The following ZNF862 variants were observed in gnomAD, a reference collection of about 807,000 sequenced individuals.
ZNF862 encodes zinc finger protein 862.
A neutral mutation model predicts 91.1 loss-of-function variants in ZNF862; 64 were observed. That is an observed-to-expected ratio of 0.70 (90% CI 0.57 to 0.87). ZNF862 has a LOEUF of 0.87. Ranked by LOEUF, ZNF862 falls within the 40% of genes least tolerant of loss-of-function variation. ZNF862 has a pLI of 0.00. For missense variants in ZNF862, 1,459 were observed against 1,528.0 expected (o/e 0.95, Z 0.75); for synonymous variants, 631 against 618.1 (o/e 1.02, Z -0.31).
Position 149,862,091 on chromosome 7 carries a change from G to C in ZNF862, c.2931G>C (p.Glu977Asp). ...TTCTCAACCTGGCCAGGTATTTCGAGTGCTCCCTCCCAACAGGATACAGTG... is the reference window on the plus strand; with the variant it reads ...TTCTCAACCTGGCCAGGTATTTCGACTGCTCCCTCCCAACAGGATACAGTG... ...DDILNLARYFECSLPTGYSEE... is the reference protein window; with the variant it reads ...DDILNLARYFDCSLPTGYSEE... The change falls in exon 7 of 8, where the codon GAG becomes GAC. Residue 977 changes from glutamate to aspartate, a missense_variant. Glu to Asp is a conservative substitution (Grantham distance 45). Transcript: ENST00000223210. 6.2e-7 allele frequency: 1 copy of C among 1,613,676 alleles called. No homozygotes were observed. Among genetic ancestry groups the C allele is most frequent in the Non-Finnish European group, 8.5e-7 (1 of 1,179,906 alleles).
At chr7:149,840,905 G>T (rs1801681683) in intron 1 of ZNF862, 1 of 982,220 alleles carries the variant, frequency 1.0e-6, no homozygotes, top group African/African-American at 1.7e-5. Context: ...CTGTTGTTAA[G>T]CAACACATGA....
chr7:149,853,419 C>G (rs187893383), intron 5 of ZNF862, among the ~76,000 whole-genome samples: 2 of 152,238 alleles, frequency 1.3e-5, no homozygotes, highest in African/African-American at 4.8e-5. Context: ...TCATAGAAAA[C>G]GCTGAAAATT....
At chr7:149,841,408 C>T in intron 1 of ZNF862, 2 of 983,984 alleles carry the variant, frequency 2.0e-6, no homozygotes, top group Non-Finnish European at 2.4e-6. Context: ...CCATCATGTT[C>T]TATCCCATGA....
chr7:149,860,922 G>C lies in ZNF862; in HGVS notation c.1762G>C (p.Val588Leu). Residue 588 changes from valine to leucine, a missense_variant, in exon 7 of 8, where the codon GTG becomes CTG. Coordinates refer to ENST00000223210, the MANE Select transcript of ZNF862 (RefSeq NM_001099220.3). The stretch of plus-strand genomic sequence containing the variant: ...GCAGCTCCTCCAAAGCACGGGGACC[G>C]TGATATTAGGCAAGTACCGCAATCG... ...ILQLLQSTGT[V>L]ILGKYRNRTA... The C allele has an allele frequency of 1.2e-6, 2 of 1,613,792 alleles. No homozygotes were observed. Among genetic ancestry groups the C allele is most frequent in the Non-Finnish European group, 1.7e-6 (2 of 1,179,850 alleles).
At chr7:149,840,199 A>T (rs13243142) in intron 1 of ZNF862, among the ~76,000 whole-genome samples, 3 of 147,318 alleles carry the variant, frequency 2.0e-5, no homozygotes, top group Non-Finnish European at 3.0e-5. Context: ...AAAAAAAAAA[A>T]AAAAAAAAAA....
intron 7 of ZNF862, among the ~76,000 whole-genome samples, chr7:149,863,286 T>C (rs1226343040): frequency 6.8e-6 from 1 of 146,006 alleles, no homozygotes; most frequent in Admixed American, 6.7e-5. Flanking sequence ...GATGGAGCAG[T>C]GCTCTCTCTC....
Position 149,861,949 on chromosome 7 carries a change from A to G in ZNF862, c.2789A>G (p.Glu930Gly). The part of the protein sequence containing the change: ...DRERTVLTGI[E>G]YLQQRFDADR... ...GAGAGGACAGTCCTGACGGGGATTG[A>G]GTACCTCCAGCAGAGGTTTGACGCA... Residue 930 changes from glutamate (E) to glycine (G), a missense_variant, in exon 7 of 8, where the codon GAG (glutamate) becomes GGG (glycine). By Grantham distance (98) the Glu-to-Gly change is moderately conservative. Coordinates refer to ENST00000223210, the MANE Select transcript of ZNF862 (RefSeq NM_001099220.3). This position sits in a 1 kb window ranked among gnomAD's most constrained non-coding sequence, Gnocchi z 6.7. The G allele has an allele frequency of 6.2e-7, 1 of 1,613,840 alleles. No homozygotes were observed. Among genetic ancestry groups the G allele is most frequent in the East Asian group, 2.2e-5 (1 of 44,840 alleles).
Position 149,850,191 on chromosome 7 carries a change from G to C in ZNF862, c.970G>C (p.Val324Leu), listed in dbSNP as rs1332867158. 2 of 1,588,134 alleles carry C rather than the reference G, an allele frequency of 1.3e-6. No homozygotes were observed. The highest frequency in any genetic ancestry group is 2.3e-5 in the East Asian group (1 of 43,460). ...TTCTGCAGAGGGGCTGTCGGAGGAG[G>C]TTCCTGTGGTGTTTGAGGAGCTGCC... is the stretch of plus-strand genomic sequence containing the variant. Reference protein sequence around the residue: ...DPSAEGLSEEVPVVFEELPVV... With the variant: ...DPSAEGLSEELPVVFEELPVV... The change falls in exon 5 of 8, where the codon GTT (valine) becomes CTT (leucine). Residue 324 changes from valine (V) to leucine (L), a missense_variant. Physicochemically the swap from Val to Leu is conservative, Grantham distance 32. Coordinates refer to ENST00000223210, the MANE Select transcript of ZNF862 (RefSeq NM_001099220.3). This position sits in a 1 kb window ranked among gnomAD's most constrained non-coding sequence, Gnocchi z 4.2.
intron 3 of ZNF862, among the ~76,000 whole-genome samples, chr7:149,846,504 A>G (rs1196573267): frequency 1.3e-5 from 2 of 152,350 alleles, no homozygotes; most frequent in South Asian, 2.1e-4. Flanking sequence ...TATAAGTTCC[A>G]TGAAGGCATG....
Position 149,848,050 on chromosome 7 carries a change from A to G in ZNF862, c.557A>G (p.Lys186Arg), listed in dbSNP as rs747765419. 1.2e-6 allele frequency: 2 copies of G among 1,614,040 alleles called. No individual in the cohort carries two copies. Among genetic ancestry groups the G allele is most frequent in the Admixed American group, 3.3e-5 (2 of 60,014 alleles). Residue 186 changes from lysine to arginine, a missense_variant, in exon 4 of 8, where the codon AAG (lysine) becomes AGG (arginine). Coordinates refer to ENST00000223210, the MANE Select transcript of ZNF862 (RefSeq NM_001099220.3). ...RLIEGYTGPF[K>R]VETLKYHAKS... ...ATAGAAGGTTATACAGGACCATTCA[A>G]GGTGGAGACTCTCAAATACCACGCG...
intron 2 of ZNF862, among the ~76,000 whole-genome samples, chr7:149,845,862 C>A (rs1326454061): frequency 6.6e-6 from 1 of 152,138 alleles, no homozygotes; most frequent in Non-Finnish European, 1.5e-5. Context: ...AGGCTGGCCC[C>A]TCTCAGTATT....
intron 1 of ZNF862, among the ~76,000 whole-genome samples, chr7:149,842,679 G>A (rs1373091083): frequency 1.3e-5 from 2 of 152,226 alleles, no homozygotes; most frequent in Non-Finnish European, 2.9e-5. Context: ...GGAAGGATGG[G>A]CATGAAGAGG....
chr7:149,847,727 C>G lies in ZNF862; in HGVS notation c.242-8C>G. ...TTAAAGCCAATCCCTTCTGTCTCTT[C>G]TCTAAAGGAAAAAAACAGATGGGCT... On this transcript the variant is annotated splice_polypyrimidine_tract_variant and splice_region_variant and intron_variant, in intron 3 of 7. Transcript: ENST00000223210. The G allele has an allele frequency of 6.3e-7, 1 of 1,599,858 alleles. No homozygotes were observed. The highest frequency in any genetic ancestry group is 8.5e-7 in the Non-Finnish European group (1 of 1,173,316).
At chr7:149,844,927 C>T (rs1801820600) in intron 2 of ZNF862, 191 bp downstream of exon 2, 3 of 549,858 alleles carry the variant, frequency 5.5e-6, no homozygotes, top group Non-Finnish European at 9.8e-6. Context: ...TTTCTCTTCT[C>T]CCCTTAAAAT....
At chr7:149,851,004 C>T (rs1802052621) in intron 5 of ZNF862, 1 of 152,396 alleles carries the variant, frequency 6.6e-6, no homozygotes, top group Admixed American at 6.5e-5. Flanking sequence ...TCTTGCTCCT[C>T]AGGATGGTGC....
At chr7:149,853,608 G>T (rs2128938951) in intron 5 of ZNF862, among the ~76,000 whole-genome samples, 1 of 152,242 alleles carries the variant, frequency 6.6e-6, no homozygotes, top group East Asian at 1.9e-4. Context: ...AACAGATTTG[G>T]GAACATTTGG....
At position 149,866,111 on chromosome 7, in the gene ZNF862, C is replaced by G. The variant is rs1461349544; in HGVS notation, c.*1827C>G. The G allele has an allele frequency of 1.3e-5, 2 of 152,282 alleles. No individual in the cohort carries two copies. The highest frequency in any genetic ancestry group is 4.8e-5 in the African/African-American group (2 of 41,460). 9.4% of individuals were successfully genotyped at this position (152,282 alleles called of 1,614,324 possible). On this transcript the variant is annotated 3_prime_UTR_variant, in exon 8 of 8. Transcript: ENST00000223210. ...CCCACCCCAGTACTTAGCCTTAGCA[C>G]TGTTGCTTTCGTGTCATTTTCAGTT...
At chr7:149,858,728 T>C (rs973531070) in intron 5 of ZNF862, 9 of 153,034 alleles carry the variant, frequency 5.9e-5, no homozygotes, top group African/African-American at 1.9e-4. Flanking sequence ...TAGTGCTTAA[T>C]CCAAAGACAC....
In ZNF862 at chr7:149,864,629, A is replaced by G. The variant is rs776139982; in HGVS notation, c.*345A>G. Reference sequence around the variant, plus strand: ...GTCCTGGTAGGGGAGACTGTTGGACATCCCTGGGGAATGTTCCAGGGAGGC... The same window carrying G: ...GTCCTGGTAGGGGAGACTGTTGGACGTCCCTGGGGAATGTTCCAGGGAGGC... On this transcript the variant is annotated 3_prime_UTR_variant, in exon 8 of 8. Transcript: ENST00000223210. 4.7e-6 allele frequency: 1 copy of G among 213,428 alleles called. No homozygotes were observed. The highest frequency in any genetic ancestry group is 9.5e-6 in the Non-Finnish European group (1 of 105,730). The allele number at this position is 213,428 out of a possible 1,614,324, so 13.2% of individuals were successfully genotyped here.
Sources: gnomAD v4.1 joint callset for allele counts (sites outside exome capture counted in the v4.1 genomes callset) on GRCh38, gnomAD v4.1.1 for gene constraint, Gnocchi (gnomAD v3.1) non-coding constraint, MANE v1.5 for transcripts, NCBI Gene and HGNC (gene_info 2026-07-23, HGNC 2026-07-21) for gene names.